The following TTLL11 variants were observed in gnomAD, a reference collection of about 807,000 sequenced individuals.
The protein encoded by TTLL11 is tubulin polyglutamylase TTLL11.
Under a neutral mutation model 51.7 loss-of-function variants are expected in TTLL11, and 42 were observed. The ratio of observed to expected loss-of-function variants is 0.81; its 90% CI spans 0.64 to 1.05. The LOEUF (loss-of-function observed/expected upper bound fraction) is 1.05. TTLL11 is among the 50% of genes least tolerant of loss of function. TTLL11 has a pLI of 0.00. For missense variants in TTLL11, 799 were observed against 940.4 expected, an observed-to-expected ratio of 0.85 and a Z score of 1.97; for synonymous variants, 381 against 383.5, an observed-to-expected ratio of 0.99 and a Z score of 0.08.
Position 121,931,583 on chromosome 9 carries a change from T to TAAA in TTLL11, c.1481+42425_1481+42426insTTT, listed in dbSNP as rs1564311677. Among the ~76,000 whole-genome samples the TAAA allele has an allele frequency of 1.4e-4, 15 of 103,828 alleles. 2 individuals are homozygous for TAAA. Among genetic ancestry groups the TAAA allele is most frequent in the Middle Eastern group, 6.1e-3 (1 of 164 alleles). The allele number at this position is 103,828 out of a possible 152,430, so 68.1% of individuals were successfully genotyped here. ...CATGGTAAAACCCTGTTTCTACTATTTAAAAAAAAAAAAAAAAAAAAAGAA... is the reference window on the plus strand; with the variant it reads ...CATGGTAAAACCCTGTTTCTACTATTAAATAAAAAAAAAAAAAAAAAAAAAGAA... On this transcript the variant is annotated intron_variant, in intron 6 of 8. Coordinates refer to ENST00000321582, the MANE Select transcript of TTLL11 (RefSeq NM_001139442.2).
chr9:121,967,556 A>T (rs892818818), intron 6 of TTLL11, among the ~76,000 whole-genome samples: 1 of 152,172 alleles, frequency 6.6e-6, no homozygotes, highest in African/African-American at 2.4e-5. Flanking sequence ...GGAACTGACC[A>T]GCATGATGAG....
At chr9:122,048,913 T>C (rs10985506) in intron 1 of TTLL11, among the ~76,000 whole-genome samples, 13,544 of 152,010 alleles carry the variant, frequency 0.089, 857 homozygotes, top group African/African-American at 0.15. Flanking sequence ...GGAGAGCCCA[T>C]GATCATCAGT....
intron 1 of TTLL11, among the ~76,000 whole-genome samples, chr9:122,048,723 T>C (rs1666659833): frequency 6.6e-6 from 1 of 152,332 alleles, no homozygotes; most frequent in African/African-American, 2.4e-5. Flanking sequence ...GGTTTCTTCA[T>C]GTCATTCCTT....
At chr9:121,975,089 G>A in intron 4 of TTLL11, 110 bp from the exon 5 acceptor site, 1 of 743,392 alleles carries the variant, frequency 1.3e-6, no homozygotes, top group Middle Eastern at 3.9e-4. Context: ...CCTTGACCCT[G>A]GCTTCTCTTG....
chr9:121,855,711 A>T (rs1837795338), intron 8 of TTLL11, among the ~76,000 whole-genome samples: 1 of 152,182 alleles, frequency 6.6e-6, no homozygotes, highest in South Asian at 2.1e-4. Flanking sequence ...CACACTCAGG[A>T]TTCCCTGCTT....
At chr9:122,087,415 A>C (rs1047125652) in intron 1 of TTLL11, among the ~76,000 whole-genome samples, 1 of 152,184 alleles carries the variant, frequency 6.6e-6, no homozygotes, top group Non-Finnish European at 1.5e-5. Flanking sequence ...AATATTATAC[A>C]AGTTGTAAGT....
Position 121,817,269 on chromosome 9 carries a change from CAT to C in TTLL11, c.*5316_*5317del, listed in dbSNP as rs1164270366. The stretch of plus-strand genomic sequence containing the variant: ...TTCTCAGCCTACGAATGTCTTTAAA[CAT>C]GTGGGAATGAAGGGGAGGTGGGGCG... On this transcript the variant is annotated 3_prime_UTR_variant, in exon 9 of 9. Coordinates refer to ENST00000321582, the MANE Select transcript of TTLL11 (RefSeq NM_001139442.2). The C allele has an allele frequency of 6.6e-6, 1 of 151,916 alleles. No individual in the cohort carries two copies. The highest frequency in any genetic ancestry group is 1.5e-5 in the Non-Finnish European group (1 of 68,004). The allele number at this position is 151,916 out of a possible 1,614,324, so 9.4% of individuals were successfully genotyped here.
chr9:121,935,246 C>G (rs1359211367), intron 6 of TTLL11, among the ~76,000 whole-genome samples: 1 of 152,106 alleles, frequency 6.6e-6, no homozygotes, highest in African/African-American at 2.4e-5. Context: ...CGTGAGCCAC[C>G]ACACCCGGTC....
chr9:121,937,417 G>A (rs536708021), intron 6 of TTLL11, among the ~76,000 whole-genome samples: 2 of 152,190 alleles, frequency 1.3e-5, no homozygotes, highest in South Asian at 4.2e-4. Flanking sequence ...TAATTGATGG[G>A]GCCAGAATTT....
chr9:122,007,799 C>T (rs576442154), intron 3 of TTLL11, among the ~76,000 whole-genome samples: 30 of 152,182 alleles, frequency 2.0e-4, no homozygotes, highest in Non-Finnish European at 2.6e-4. Flanking sequence ...GACTTGGAGG[C>T]GGGGGAAAGT....
chr9:121,826,011 G>A (rs955349249), intron 8 of TTLL11, among the ~76,000 whole-genome samples: 1 of 150,974 alleles, frequency 6.6e-6, no homozygotes, highest in Non-Finnish European at 1.5e-5. Context: ...TCTGGTGTGT[G>A]GAAAGAGATG....
chr9:121,947,330 G>A (rs139732820), intron 6 of TTLL11, among the ~76,000 whole-genome samples: 1 of 152,094 alleles, frequency 6.6e-6, no homozygotes, highest in Non-Finnish European at 1.5e-5. Flanking sequence ...TTAATTCCAA[G>A]GCACCAAGAA....
intron 7 of TTLL11, among the ~76,000 whole-genome samples, chr9:121,866,196 A>C (rs1838169794): frequency 6.6e-6 from 1 of 152,208 alleles, no homozygotes; most frequent in Admixed American, 6.5e-5. Context: ...ATTCATAATG[A>C]AGCAAAATTT....
At chr9:121,836,731 G>C (rs986468902) in intron 8 of TTLL11, among the ~76,000 whole-genome samples, 2 of 152,180 alleles carry the variant, frequency 1.3e-5, no homozygotes, top group African/African-American at 2.4e-5. Context: ...ATGACCCAAC[G>C]TGAGATGGGG....
At chr9:122,042,898 G>C (rs1844884617) in intron 1 of TTLL11, among the ~76,000 whole-genome samples, 1 of 152,190 alleles carries the variant, frequency 6.6e-6, no homozygotes, top group African/African-American at 2.4e-5. Context: ...CAAAACTACA[G>C]AGACAGTAAA....
chr9:122,013,343 A>C (rs1431222392), intron 3 of TTLL11, among the ~76,000 whole-genome samples: 3 of 152,224 alleles, frequency 2.0e-5, no homozygotes, highest in African/African-American at 7.2e-5. Context: ...CATTCAAGGC[A>C]GCAGGGGTAT....
At chr9:121,912,214 TA>T (rs1840151395) in intron 6 of TTLL11, among the ~76,000 whole-genome samples, 1 of 152,186 alleles carries the variant, frequency 6.6e-6, no homozygotes, top group Admixed American at 6.5e-5. Flanking sequence ...GCAGCTCTGT[TA>T]AGGGTAACGG....
intron 6 of TTLL11, among the ~76,000 whole-genome samples, chr9:121,964,335 T>C (rs1023844151): frequency 1.1e-4 from 16 of 152,128 alleles, no homozygotes; most frequent in Non-Finnish European, 1.8e-4. Flanking sequence ...TCTCCCTCTG[T>C]TGCCTAGGCT....
At position 122,031,771 on chromosome 9, in the gene TTLL11, G is replaced by A. The variant is rs142941719; in HGVS notation, c.645C>T (p.Tyr215=). Residue 215 remains tyrosine (Y), a synonymous_variant, in exon 3 of 9, where the codon TAC becomes TAT. Transcript: ENST00000321582. ...QNLFPEEYNF[Y]PRSWILPDEF... ...CGTCAGGCAGAATCCATGAGCGAGG[G>A]TAGAAGTTGTACTCCTCAGGAAAGA... 65 of 1,613,608 alleles carry A rather than the reference G, an allele frequency of 4.0e-5. No homozygotes were observed. The African/African-American group carries it at 8.0e-4, about 20-fold the overall frequency.
Sources: allele counts gnomAD v4.1 joint callset (sites outside exome capture counted in the v4.1 genomes callset), GRCh38; gene constraint gnomAD v4.1.1; transcripts MANE v1.5; gene names NCBI Gene and HGNC (gene_info 2026-07-23, HGNC 2026-07-21).